Variants in C10orf143 observed in about 807,000 individuals in gnomAD.
C10orf143 encodes the protein chromosome 10 open reading frame 143, also known as uncharacterized protein C10orf143.
downstream of C10orf143, among the ~76,000 whole-genome samples, chr10:130,060,966 C>T (rs942811519): frequency 6.6e-6 from 1 of 152,134 alleles, no homozygotes; most frequent in Non-Finnish European, 1.5e-5. Context: ...GGTGAAGCCC[C>T]ACCTCTACAA....
downstream of C10orf143, among the ~76,000 whole-genome samples, chr10:130,059,590 A>C (rs939409449): frequency 1.3e-5 from 2 of 152,230 alleles, no homozygotes; most frequent in African/African-American, 4.8e-5. Context: ...CTTGCTAAAA[A>C]ATCTAAATAG....
At chr10:130,041,013 C>T (rs1168667413) in intron 3 of C10orf143, among the ~76,000 whole-genome samples, 1 of 152,128 alleles carries the variant, frequency 6.6e-6, no homozygotes, top group African/African-American at 2.4e-5. Flanking sequence ...ACCGGCACTC[C>T]CAGACCTCCA....
chr10:130,041,575 T>C (rs956294887), intron 3 of C10orf143, among the ~76,000 whole-genome samples: 1 of 152,200 alleles, frequency 6.6e-6, no homozygotes, highest in African/African-American at 2.4e-5. Context: ...TCGATTTGCA[T>C]TTTTAACTTA....
chr10:130,039,287 C>T (rs1442667965), intron 3 of C10orf143, among the ~76,000 whole-genome samples: 1 of 152,202 alleles, frequency 6.6e-6, no homozygotes, highest in Non-Finnish European at 1.5e-5. Flanking sequence ...AGAAGTCCCA[C>T]ACTCTGCTGT....
chr10:130,039,770 G>A (rs1860585640), intron 3 of C10orf143, among the ~76,000 whole-genome samples: 1 of 152,112 alleles, frequency 6.6e-6, no homozygotes, highest in South Asian at 2.1e-4. Context: ...GAAGGCTCCC[G>A]ACGTCTCATG....
chr10:130,104,480 A>C (rs983723959), intron 1 of C10orf143: 1 of 152,270 alleles, frequency 6.6e-6, no homozygotes, highest in Non-Finnish European at 1.5e-5. Context: ...AACAGAAGTA[A>C]GAAACTAGTT....
At chr10:130,038,561 G>A (rs1047207396) in intron 3 of C10orf143, among the ~76,000 whole-genome samples, 2 of 152,102 alleles carry the variant, frequency 1.3e-5, no homozygotes, top group Admixed American at 6.6e-5. Context: ...AATGGTTTCG[G>A]GGGATTATTT....
At chr10:130,045,929 C>T (rs12267738) in intron 3 of C10orf143, among the ~76,000 whole-genome samples, 54,312 of 151,808 alleles carry the variant, frequency 0.36, 9,896 homozygotes, top group Middle Eastern at 0.44. Flanking sequence ...AGCCACCTTC[C>T]GAGTACGCGA....
At chr10:130,045,461 C>T (rs1287761351) in intron 3 of C10orf143, among the ~76,000 whole-genome samples, 1 of 152,226 alleles carries the variant, frequency 6.6e-6, no homozygotes, top group African/African-American at 2.4e-5. Flanking sequence ...CACAGTGCCC[C>T]GCAGACAGTG....
chr10:130,076,950 G>C (rs577451903), intron 3 of C10orf143, among the ~76,000 whole-genome samples: 2 of 152,142 alleles, frequency 1.3e-5, no homozygotes, highest in African/African-American at 4.8e-5. Context: ...CCCTGGGCAG[G>C]AGCGGACGCC....
chr10:130,097,665 A>T (rs1240546251), intron 1 of C10orf143, among the ~76,000 whole-genome samples: 1 of 152,204 alleles, frequency 6.6e-6, no homozygotes, highest in African/African-American at 2.4e-5. Context: ...CACTATTCAT[A>T]ACCAAAATGA....
intron 1 of C10orf143, among the ~76,000 whole-genome samples, chr10:130,093,041 TTGAACTC>T (rs1201210190): frequency 6.6e-6 from 1 of 152,176 alleles, no homozygotes; most frequent in Non-Finnish European, 1.5e-5. Context: ...TATTCAGGAT[TTGAACTC>T]AGCTCTCGAC....
At chr10:130,091,423 A>G (rs938468242) in intron 1 of C10orf143, among the ~76,000 whole-genome samples, 3 of 152,240 alleles carry the variant, frequency 2.0e-5, no homozygotes, top group Non-Finnish European at 4.4e-5. Context: ...CACCAACATC[A>G]AAGACCAAAG....
At position 130,102,473 on chromosome 10, in the gene C10orf143, C is replaced by T. The variant is rs566824417; in HGVS notation, c.69+8231G>A. On this transcript the variant is annotated intron_variant, in intron 1 of 3. Coordinates refer to ENST00000637128, the MANE Select transcript of C10orf143 (RefSeq NM_001355042.2). ...ATTCTTAGTAGAGATGGGGTTTCATCATGTTAGCCAGGCTGGCCTCAAATT... is the reference window on the plus strand; with the variant it reads ...ATTCTTAGTAGAGATGGGGTTTCATTATGTTAGCCAGGCTGGCCTCAAATT... Among the ~76,000 whole-genome samples the T allele has an allele frequency of 4.6e-5, 7 of 152,220 alleles. No individual in the cohort carries two copies. In the South Asian group the frequency reaches 1.4e-3, roughly 32 times the overall value.
At position 130,035,161 on chromosome 10, in the gene C10orf143, A is replaced by C. The variant is rs141941002; in HGVS notation, c.410+697T>G. 2.0e-3 allele frequency among the ~76,000 whole-genome samples: 308 copies of C among 152,314 alleles called. 2 individuals carry two copies. Among genetic ancestry groups the C allele is most frequent in the African/African-American group, 7.2e-3 (299 of 41,566 alleles). ...ACCAACAGAAATTTATTTTCTCACC[A>C]TCCAGGAGGCTGGAAGTCCAAGATC... On this transcript the variant is annotated intron_variant and NMD_transcript_variant, in intron 4 of 5. Transcript: ENST00000643056.
At chr10:130,046,181 C>T (rs1263064940) in intron 3 of C10orf143, among the ~76,000 whole-genome samples, 1 of 150,364 alleles carries the variant, frequency 6.7e-6, no homozygotes, top group Non-Finnish European at 1.5e-5. Context: ...CTAAGTGGGG[C>T]CTGAGTGGGG....
At chr10:130,042,258 T>C (rs572214616) in intron 3 of C10orf143, among the ~76,000 whole-genome samples, 3 of 152,254 alleles carry the variant, frequency 2.0e-5, no homozygotes, top group Non-Finnish European at 4.4e-5. Flanking sequence ...CATGGAACGA[T>C]CATTCTGCAA....
intron 3 of C10orf143, among the ~76,000 whole-genome samples, chr10:130,078,362 G>A (rs977127622): frequency 1.3e-5 from 2 of 152,128 alleles, no homozygotes; most frequent in African/African-American, 2.4e-5. Context: ...GTCAGTCATC[G>A]GCAAACAAGG....
chr10:130,097,849 G>A (rs982461312), intron 1 of C10orf143, among the ~76,000 whole-genome samples: 3 of 152,180 alleles, frequency 2.0e-5, no homozygotes, highest in Admixed American at 2.0e-4. Context: ...GAAAGTTCCA[G>A]AAAAGGCAAA....
Sources: gnomAD v4.1 joint callset for allele counts (sites outside exome capture counted in the v4.1 genomes callset) on GRCh38, gnomAD v4.1.1 for gene constraint, MANE v1.5 for transcripts, NCBI Gene and HGNC (gene_info 2026-07-23, HGNC 2026-07-21) for gene names.